PDE9A: variants seen among roughly 807,000 people sequenced by gnomAD.
PDE9A encodes phosphodiesterase 9A.
A neutral mutation model predicts 87.4 loss-of-function variants in PDE9A; 60 were observed. That is an observed-to-expected ratio of 0.69 (90% CI 0.56 to 0.85). The LOEUF is 0.85. Ranked by LOEUF, PDE9A falls within the 40% of genes least tolerant of loss-of-function variation. The pLI is 0.00. For missense variants in PDE9A, 665 were observed against 779.0 expected (o/e 0.85, Z 1.74); for synonymous variants, 272 against 279.4 (o/e 0.97, Z 0.27).
intron 1 of PDE9A, among the ~76,000 whole-genome samples, chr21:42,685,781 T>C (rs2059428837): frequency 6.6e-6 from 1 of 152,132 alleles, no homozygotes; most frequent in South Asian, 2.1e-4. Flanking sequence ...TTTTCTTTTT[T>C]CTTTTGAAGT....
intron 3 of PDE9A, among the ~76,000 whole-genome samples, chr21:42,688,559 C>T (rs1160146832): frequency 6.6e-6 from 1 of 152,210 alleles, no homozygotes; most frequent in Admixed American, 6.5e-5. Context: ...AGCAGGGGCC[C>T]TCAGGTCAGT....
At chr21:42,772,852 T>C (rs1313369783) in intron 19 of PDE9A, among the ~76,000 whole-genome samples, 1 of 151,172 alleles carries the variant, frequency 6.6e-6, no homozygotes, top group Non-Finnish European at 1.5e-5. Flanking sequence ...CAGGCTGGTC[T>C]TGAACTCCTG....
intron 1 of PDE9A, among the ~76,000 whole-genome samples, chr21:42,663,221 A>G (rs960166363): frequency 2.1e-5 from 3 of 145,802 alleles, no homozygotes; most frequent in African/African-American, 7.7e-5. Flanking sequence ...GCACGCACCT[A>G]CCACACATGC....
intron 18 of PDE9A, 34 bp downstream of exon 18, chr21:42,770,832 C>A: frequency 6.5e-7 from 1 of 1,538,044 alleles, no homozygotes; most frequent in Non-Finnish European, 9.0e-7. Context: ...GCCTTCCTTG[C>A]GGCAAGCAGG....
intron 4 of PDE9A, among the ~76,000 whole-genome samples, chr21:42,700,029 C>T (rs2048259762): frequency 6.6e-6 from 1 of 152,180 alleles, no homozygotes; most frequent in African/African-American, 2.4e-5. Flanking sequence ...CTCTTGCCCC[C>T]TCCAGTGTGT....
At position 42,759,370 on chromosome 21, in the gene PDE9A, GGTGTGTGGGAGCGTGTGTGT is replaced by G. The variant is rs1389695117; in HGVS notation, c.897+311_897+330del. Among the ~76,000 whole-genome samples, 508 of 145,096 alleles carry G rather than the reference GGTGTGTGGGAGCGTGTGTGT, an allele frequency of 3.5e-3. 4 individuals carry two copies. Among genetic ancestry groups the G allele is most frequent in the African/African-American group, 0.011 (409 of 38,486 alleles). On this transcript the variant is annotated intron_variant, in intron 11 of 19. Transcript: ENST00000291539. The surrounding 1 kb of genome is among the most constrained non-coding windows in gnomAD (Gnocchi z 7.2). ...GCAAAGCAGCATGTCCTAAAGCAGC[GGTGTGTGGGAGCGTGTGTGT>G]GTGTGTGGGAGCGTGTGTGTGTGTG...
At chr21:42,727,468 C>A (rs1168301765) in intron 4 of PDE9A, among the ~76,000 whole-genome samples, 1 of 148,352 alleles carries the variant, frequency 6.7e-6, no homozygotes, top group Admixed American at 6.8e-5. Context: ...GAACCACAGG[C>A]ACATGCCACC....
At chr21:42,700,887 TGAAATCAGGTACTCTAAG>T (rs2048333236) in intron 4 of PDE9A, 1 of 152,256 alleles carries the variant, frequency 6.6e-6, no homozygotes, top group Non-Finnish European at 1.5e-5. Context: ...TAGTAGGTCT[TGAAATCAGGTACTCTAAG>T]TTATCTCTGG....
chr21:42,686,246 GC>G lies in PDE9A; in HGVS notation c.126del (p.Thr43ProfsTer12). ...SSDIMDLFCIATGLPRNTTIS... is the reference protein window; with the variant it reads ...SSDIMDLFCIXTGLPRNTTIS... ...CGACATCATGGACCTGTTCTGCATC[GC>G]CACCGGCCTGCCTCGGTGAGTGCGC... On this transcript the variant is annotated frameshift_variant, in exon 2 of 20. Transcript: ENST00000291539. LOFTEE classifies it high-confidence loss of function. 1.9e-6 allele frequency: 3 copies of G among 1,613,298 alleles called. No individual in the cohort carries two copies. Among genetic ancestry groups the G allele is most frequent in the Non-Finnish European group, 2.5e-6 (3 of 1,179,310 alleles).
chr21:42,775,084 G>C (rs2057389845), intron 19 of PDE9A, among the ~76,000 whole-genome samples, 196 bp from the exon 20 acceptor site: 1 of 151,732 alleles, frequency 6.6e-6, no homozygotes, highest in Non-Finnish European at 1.5e-5. Context: ...TGGGATTACA[G>C]GTGTGTGCCA....
chr21:42,731,748 C>G, intron 4 of PDE9A, 22 bp from the exon 5 acceptor site: 2 of 1,602,100 alleles, frequency 1.2e-6, no homozygotes, highest in Non-Finnish European at 1.7e-6. Context: ...TTTGGAAACC[C>G]AGTCCTGCCT....
Position 42,671,013 on chromosome 21 carries a change from G to A in PDE9A, c.70-15179G>A, listed in dbSNP as rs548465941. Among the ~76,000 whole-genome samples the A allele has an allele frequency of 5.3e-5, 8 of 152,298 alleles. No individual in the cohort carries two copies. The South Asian group carries it at 1.7e-3, about 32-fold the overall frequency. On this transcript the variant is annotated intron_variant, in intron 1 of 19. Transcript: ENST00000291539. The stretch of plus-strand genomic sequence containing the variant: ...TATGACAAGCTGAGAGATGATGTGA[G>A]ACTGTTGTTAATTTTTTCTCCATGT...
At chr21:42,670,143 A>ACG (rs2058326235) in intron 1 of PDE9A, among the ~76,000 whole-genome samples, 5 of 139,892 alleles carry the variant, frequency 3.6e-5, no homozygotes, top group African/African-American at 1.5e-4. Context: ...ACATGCTTAC[A>ACG]CACACATTCA....
chr21:42,752,647 A>G (rs2054557822), intron 9 of PDE9A, among the ~76,000 whole-genome samples: 1 of 152,228 alleles, frequency 6.6e-6, no homozygotes, highest in Non-Finnish European at 1.5e-5. Flanking sequence ...TGTCCCAGGG[A>G]GCCGTGAAGC....
At chr21:42,756,891 A>G (rs1316211357) in intron 10 of PDE9A, 3 of 152,406 alleles carry the variant, frequency 2.0e-5, no homozygotes, top group African/African-American at 7.2e-5. Flanking sequence ...AAGGCCACAT[A>G]AATGGCACCA....
intron 3 of PDE9A, among the ~76,000 whole-genome samples, chr21:42,698,071 T>G (rs1298305569): frequency 6.6e-6 from 1 of 152,242 alleles, no homozygotes; most frequent in African/African-American, 2.4e-5. Flanking sequence ...ACATGACATC[T>G]GACTGTCTCC....
At chr21:42,658,790 A>G (rs1322190246) in intron 1 of PDE9A, among the ~76,000 whole-genome samples, 1 of 152,170 alleles carries the variant, frequency 6.6e-6, no homozygotes, top group African/African-American at 2.4e-5. Context: ...TTGACCTTTA[A>G]ATTGGTATAA....
chr21:42,654,903 T>G (rs2056932901), intron 1 of PDE9A, among the ~76,000 whole-genome samples: 1 of 152,098 alleles, frequency 6.6e-6, no homozygotes, highest in Non-Finnish European at 1.5e-5. Flanking sequence ...GGAGGAAGCA[T>G]CTTCAAGGAC....
intron 1 of PDE9A, among the ~76,000 whole-genome samples, chr21:42,670,293 TCACA>T (rs540427240): frequency 6.9e-6 from 1 of 143,922 alleles, no homozygotes; most frequent in Non-Finnish European, 1.5e-5. Flanking sequence ...ACATACACAT[TCACA>T]CACATACACT....
Sources: allele counts gnomAD v4.1 joint callset (sites outside exome capture counted in the v4.1 genomes callset), GRCh38; gene constraint gnomAD v4.1.1; non-coding constraint Gnocchi (gnomAD v3.1); transcripts MANE v1.5; gene names NCBI Gene and HGNC (gene_info 2026-07-23, HGNC 2026-07-21).